The following TEAD3 variants were observed in gnomAD, a reference collection of about 807,000 sequenced individuals.
TEAD3 encodes TEA domain transcription factor 3.
A neutral mutation model predicts 55.6 loss-of-function variants in TEAD3; 15 were observed. The ratio of observed to expected loss-of-function variants is 0.27; its 90% CI spans 0.18 to 0.42. The LOEUF is 0.42. Ranked by LOEUF, TEAD3 falls within the 10% of genes least tolerant of loss-of-function variation. The pLI is 1.00. For synonymous variants in TEAD3, 210 were observed against 232.2 expected (o/e 0.90, Z 0.87); for missense variants, 407 against 576.8 (o/e 0.71, Z 3.01).
chr6:35,477,072 C>T (rs931880997), intron 8 of TEAD3, among the ~76,000 whole-genome samples: 1 of 152,222 alleles, frequency 6.6e-6, no homozygotes, highest in Non-Finnish European at 1.5e-5. Flanking sequence ...CCACCTGCCT[C>T]AGCCTCCCAA....
chr6:35,495,954 C>T (rs1348924798), intron 1 of TEAD3, among the ~76,000 whole-genome samples: 2 of 152,200 alleles, frequency 1.3e-5, no homozygotes, highest in Non-Finnish European at 2.9e-5. Context: ...CCTTCCCCCT[C>T]GCACTGAAAG....
Position 35,475,596 on chromosome 6 carries a change from G to C in TEAD3, c.1011C>G (p.Ser337=). The stretch of plus-strand genomic sequence containing the variant: ...CCTTCTCTACCACCTGTTTGCCAAA[G>C]GAGCACACCTTGGTGGAGACGCTGA... The change falls in exon 11 of 13, where the codon TCC becomes TCG. Residue 337 remains serine (S), a synonymous_variant. Coordinates refer to ENST00000639578, the Ensembl canonical transcript of TEAD3. This position sits in a 1 kb window ranked among gnomAD's most constrained non-coding sequence, Gnocchi z 5.4. 1.2e-6 allele frequency: 2 copies of C among 1,612,744 alleles called. No homozygotes were observed. The highest frequency in any genetic ancestry group is 1.7e-6 in the Non-Finnish European group (2 of 1,179,076).
At chr6:35,477,351 T>A in exon 8 of TEAD3, 1 of 1,603,632 alleles carries the variant, frequency 6.2e-7, no homozygotes, top group Non-Finnish European at 8.5e-7. Flanking sequence ...TGGGGTAGGC[T>A]GGCTGTGCAA....
chr6:35,477,237 C>A, intron 8 of TEAD3, 74 bp downstream of exon 8: 2 of 1,534,412 alleles, frequency 1.3e-6, no homozygotes, highest in Non-Finnish European at 1.8e-6. Context: ...AAAGCAAACA[C>A]ACACAGTTGG....
chr6:35,477,188 G>A lies in TEAD3; in HGVS notation c.592+123C>T. 6 of 994,932 alleles carry A rather than the reference G, an allele frequency of 6.0e-6. No homozygotes were observed. The South Asian group carries it at 7.2e-5, about 12-fold the overall frequency. The allele number at this position is 994,932 out of a possible 1,614,324, so 61.6% of individuals were successfully genotyped here. ...AAGGTAAAGGGGCTATTCCTGGCCTGTCCCAATCTCCTGTAGATGTCGCAA... is the reference window on the plus strand; with the variant it reads ...AAGGTAAAGGGGCTATTCCTGGCCTATCCCAATCTCCTGTAGATGTCGCAA... On this transcript the variant is annotated intron_variant, in intron 8 of 12. Coordinates refer to ENST00000639578, the Ensembl canonical transcript of TEAD3.
chr6:35,492,491 C>A (rs1028633228), intron 1 of TEAD3, among the ~76,000 whole-genome samples: 5 of 152,166 alleles, frequency 3.3e-5, no homozygotes, highest in African/African-American at 1.2e-4. Flanking sequence ...AGCAGCCACA[C>A]CCTGCCAGGC....
chr6:35,490,049 G>A (rs1768475316), intron 1 of TEAD3, among the ~76,000 whole-genome samples: 1 of 152,030 alleles, frequency 6.6e-6, no homozygotes. Flanking sequence ...GAGAAGAGGG[G>A]CTACAATGAG....
intron 3 of TEAD3, among the ~76,000 whole-genome samples, chr6:35,482,395 T>C (rs1487546984): frequency 6.6e-6 from 1 of 152,218 alleles, no homozygotes; most frequent in African/African-American, 2.4e-5. Flanking sequence ...CCCAGAGTTC[T>C]AAGAAAGAGT....
chr6:35,480,494 A>C, intron 3 of TEAD3, 120 bp from the exon 4 acceptor site: 4 of 992,210 alleles, frequency 4.0e-6, no homozygotes, highest in African/African-American at 1.6e-5. Flanking sequence ...CTACATGTAA[A>C]TGGGGGGACC....
At chr6:35,480,202 G>A in intron 3 of TEAD3, 110 bp downstream of exon 4, 2 of 1,551,442 alleles carry the variant, frequency 1.3e-6, no homozygotes, top group Admixed American at 1.9e-5. Flanking sequence ...CAGAAAAGAG[G>A]CACAGTGGGG....
intron 1 of TEAD3, among the ~76,000 whole-genome samples, chr6:35,487,758 A>T (rs1405907404): frequency 6.6e-6 from 1 of 151,682 alleles, no homozygotes; most frequent in East Asian, 1.9e-4. Context: ...AAACAAACAA[A>T]CAACAACAAC....
chr6:35,492,269 G>A (rs185634344), intron 1 of TEAD3, among the ~76,000 whole-genome samples: 104 of 152,324 alleles, frequency 6.8e-4, no homozygotes, highest in African/African-American at 2.4e-3. Context: ...GGGGGTCGAG[G>A]ATGGGGAGGG....
intron 1 of TEAD3, among the ~76,000 whole-genome samples, chr6:35,494,581 C>A (rs1454889250): frequency 6.6e-6 from 1 of 152,134 alleles, no homozygotes; most frequent in African/African-American, 2.4e-5. Flanking sequence ...CTTCTGCAGC[C>A]CCCATGTGGG....
At position 35,475,912 on chromosome 6, in the gene TEAD3, G is replaced by T; in HGVS notation, c.900+7C>A. On this transcript the variant is annotated splice_region_variant and intron_variant, in intron 10 of 12. Transcript: ENST00000639578. The surrounding 1 kb of genome is among the most constrained non-coding windows in gnomAD (Gnocchi z 5.4). ...GGCTTGGAGCAGAGAAGGCCAGGGG[G>T]ACTCACCCAGAACTTGACAAGGAAG... is the stretch of plus-strand genomic sequence containing the variant. The T allele has an allele frequency of 2.0e-6, 3 of 1,521,538 alleles. No homozygotes were observed. The highest frequency in any genetic ancestry group is 2.6e-6 in the Non-Finnish European group (3 of 1,136,486). The allele number at this position is 1,521,538 out of a possible 1,614,324, so 94.3% of individuals were successfully genotyped here. A position where few individuals can be genotyped will look rare whatever the true frequency, so the allele number is the denominator to read the frequency against.
In TEAD3 at chr6:35,483,737, A is replaced by C. The variant is rs1027908464; in HGVS notation, c.267+823T>G. Among the ~76,000 whole-genome samples, 1 of 151,952 alleles carries C rather than the reference A, an allele frequency of 6.6e-6. No individual in the cohort carries two copies. Among genetic ancestry groups the C allele is most frequent in the Admixed American group, 6.6e-5 (1 of 15,256 alleles). On this transcript the variant is annotated intron_variant, in intron 3 of 12. Coordinates refer to ENST00000639578, the Ensembl canonical transcript of TEAD3. The surrounding 1 kb of genome is among the most constrained non-coding windows in gnomAD (Gnocchi z 4.5). ...CTGCCCCTTGGGGAACCTGTCCCCC[A>C]TGTCTCCTGCTGAGTGTCCCCTACC... is the stretch of plus-strand genomic sequence containing the variant.
intron 1 of TEAD3, among the ~76,000 whole-genome samples, chr6:35,490,086 G>A (rs966388966): frequency 2.0e-5 from 3 of 152,074 alleles, no homozygotes; most frequent in African/African-American, 4.8e-5. Flanking sequence ...CCCCTTTCCC[G>A]AGGCCTCCCT....
At chr6:35,487,629 A>G (rs1182796419) in intron 1 of TEAD3, among the ~76,000 whole-genome samples, 2 of 151,914 alleles carry the variant, frequency 1.3e-5, no homozygotes, top group Non-Finnish European at 2.9e-5. Flanking sequence ...AGGCTGAGGC[A>G]CGAAGATCAC....
chr6:35,484,570 G>A lies in TEAD3; in HGVS notation c.257C>T (p.Thr86Met). 3 of 1,604,776 alleles carry A rather than the reference G, an allele frequency of 1.9e-6. No individual in the cohort carries two copies. Among genetic ancestry groups the A allele is most frequent in the South Asian group, 1.1e-5 (1 of 89,060 alleles). Reference sequence around the variant, plus strand: ...AAACCGTCTCTCTACCTGTTTTCTCGTCCGAGTCTTCCCCGTCCTCAGTTT... The same window carrying A: ...AAACCGTCTCTCTACCTGTTTTCTCATCCGAGTCTTCCCCGTCCTCAGTTT... Residue 86 changes from threonine to methionine, a missense_variant, in exon 3 of 13, where the codon ACG (threonine) becomes ATG (methionine). Coordinates refer to ENST00000639578, the Ensembl canonical transcript of TEAD3. The surrounding 1 kb of genome is among the most constrained non-coding windows in gnomAD (Gnocchi z 5.8).
chr6:35,492,518 C>T (rs192121254), intron 1 of TEAD3, among the ~76,000 whole-genome samples: 142 of 152,314 alleles, frequency 9.3e-4, no homozygotes, highest in African/African-American at 3.3e-3. Context: ...GGGCTTCCCT[C>T]CTTCCTGGAA....
Sources: gnomAD v4.1 joint callset for allele counts (sites outside exome capture counted in the v4.1 genomes callset) on GRCh38, gnomAD v4.1.1 for gene constraint, Gnocchi (gnomAD v3.1) non-coding constraint, MANE v1.5 for transcripts, NCBI Gene and HGNC (gene_info 2026-07-23, HGNC 2026-07-21) for gene names.